The following UMODL1 variants were observed in gnomAD, a reference collection of about 807,000 sequenced individuals.
UMODL1 encodes the protein uromodulin like 1, also known as uromodulin-like 1.
UMODL1 carries 128 observed loss-of-function variants against 136.3 expected under a neutral mutation model. The observed-to-expected ratio is 0.94, with a 90% CI of 0.81 to 1.09. The LOEUF is 1.09. UMODL1 is among the 50% of genes least tolerant of loss of function. The pLI, the probability that UMODL1 is intolerant of heterozygous loss-of-function variation, is 0.00. For missense variants in UMODL1, 1,766 were observed against 1,725.6 expected, an observed-to-expected ratio of 1.02 and a Z score of -0.41; for synonymous variants, 721 against 720.0, an observed-to-expected ratio of 1.00 and a Z score of -0.02.
intron 2 of UMODL1, among the ~76,000 whole-genome samples, chr21:42,080,123 G>A (rs147516515): frequency 0.019 from 2,883 of 152,324 alleles, 25 homozygotes; most frequent in South Asian, 0.039. Flanking sequence ...TTTTGGCAGC[G>A]CGAACTTCTC....
At position 42,065,095 on chromosome 21, in the gene UMODL1, T is replaced by C. The variant is rs1014686587; in HGVS notation, c.-141+1881T>C. On this transcript the variant is annotated intron_variant, in intron 1 of 22. Coordinates refer to the UMODL1 transcript ENST00000400424. ...AGGCAACTCACTGTTGTGATGTCCTTTTATCCCAACCTCAGCCCCGGCAGA... is the reference window on the plus strand; with the variant it reads ...AGGCAACTCACTGTTGTGATGTCCTCTTATCCCAACCTCAGCCCCGGCAGA... 1.1e-4 allele frequency among the ~76,000 whole-genome samples: 16 copies of C among 152,298 alleles called. 1 individual carries two copies. Among genetic ancestry groups the C allele is most frequent in the Admixed American group, 5.2e-4 (8 of 15,306 alleles).
intron 21 of UMODL1, among the ~76,000 whole-genome samples, chr21:42,135,326 C>G (rs906447603): frequency 2.6e-5 from 4 of 152,214 alleles, no homozygotes; most frequent in Non-Finnish European, 4.4e-5. Flanking sequence ...TGGGGAGTAA[C>G]CATTCCTGGA....
At position 42,109,638 on chromosome 21, in the gene UMODL1, C is replaced by A. The variant is rs760356841; in HGVS notation, c.1596C>A (p.Tyr532Ter). 1 of 1,609,890 alleles carries A rather than the reference C, an allele frequency of 6.2e-7. No individual in the cohort carries two copies. Among genetic ancestry groups the A allele is most frequent in the Non-Finnish European group, 8.5e-7 (1 of 1,180,006 alleles). The change falls in exon 10 of 23, where the codon TAC becomes TAA. Residue 532 changes from tyrosine to a stop codon, truncating the protein, a stop_gained. Coordinates refer to ENST00000408910, the MANE Select transcript of UMODL1 (RefSeq NM_001004416.3). LOFTEE classifies it high-confidence loss of function. Reference sequence around the variant, plus strand: ...GGTGCATCAACCTGGAGGGCTCCTACACCTGCCAGTGCCGTACCACCAGGG... The same window carrying A: ...GGTGCATCAACCTGGAGGGCTCCTAAACCTGCCAGTGCCGTACCACCAGGG... The part of the protein sequence containing the change: ...AAWCINLEGS[Y>*]TCQCRTTRDA...
intron 14 of UMODL1, among the ~76,000 whole-genome samples, chr21:42,118,855 AG>A (rs1383126434): frequency 1.4e-5 from 2 of 147,912 alleles, no homozygotes; most frequent in South Asian, 4.5e-4. Flanking sequence ...CTCGCCCCAC[AG>A]GCATCTTTCT....
At chr21:42,107,703 G>A (rs2066742011) in intron 9 of UMODL1, among the ~76,000 whole-genome samples, 1 of 152,102 alleles carries the variant, frequency 6.6e-6, no homozygotes, top group Non-Finnish European at 1.5e-5. Flanking sequence ...CCTGGGCCCT[G>A]AAAGACAGCT....
chr21:42,109,720 C>T (rs558570734), intron 10 of UMODL1, 21 bp downstream of exon 10: 40 of 1,597,734 alleles, frequency 2.5e-5, no homozygotes, highest in Middle Eastern at 1.8e-4. Context: ...ACCCCCCTGC[C>T]GACTCTGGGA....
chr21:42,134,260 A>ACAG, intron 21 of UMODL1, among the ~76,000 whole-genome samples: 1 of 152,254 alleles, frequency 6.6e-6, no homozygotes, highest in Admixed American at 6.5e-5. Context: ...TGACAATTTA[A>ACAG]GAAAGAATCC....
chr21:42,107,623 C>T (rs1050437484), intron 9 of UMODL1, among the ~76,000 whole-genome samples: 6 of 152,210 alleles, frequency 3.9e-5, no homozygotes, highest in Non-Finnish European at 7.3e-5. Context: ...GCTCTGTGCC[C>T]TCTTTCTCCC....
At chr21:42,079,110 T>G (rs1174493113) in intron 2 of UMODL1, among the ~76,000 whole-genome samples, 1 of 152,196 alleles carries the variant, frequency 6.6e-6, no homozygotes, top group Non-Finnish European at 1.5e-5. Flanking sequence ...CTGTTGGCAT[T>G]GTCAGGACTA....
intron 21 of UMODL1, among the ~76,000 whole-genome samples, chr21:42,133,187 C>T (rs2123387036): frequency 6.6e-6 from 1 of 152,332 alleles, no homozygotes; most frequent in Non-Finnish European, 1.5e-5. Context: ...TGTATATTAA[C>T]AGAAACACTG....
chr21:42,134,350 A>G (rs1601284416), intron 21 of UMODL1, among the ~76,000 whole-genome samples: 1 of 151,988 alleles, frequency 6.6e-6, no homozygotes. Flanking sequence ...AGTTTTCGGA[A>G]CTCCTCCATG....
chr21:42,076,027 C>T lies in UMODL1; in HGVS notation c.99C>T (p.Gly33=). Residue 33 remains glycine (G), a synonymous_variant, in exon 2 of 23, where the codon GGC becomes GGT. Transcript: ENST00000408910. ...GFTEKGLSLL[G]YQLCSHRVTH... Reference sequence around the variant, plus strand: ...CAGAAAAAGGCCTCTCCCTGTTGGGCTACCAGCTATGCAGCCACCGTGTGA... The same window carrying T: ...CAGAAAAAGGCCTCTCCCTGTTGGGTTACCAGCTATGCAGCCACCGTGTGA... 6.2e-7 allele frequency: 1 copy of T among 1,614,114 alleles called. No individual in the cohort carries two copies. The highest frequency in any genetic ancestry group is 1.3e-5 in the African/African-American group (1 of 75,050).
chr21:42,108,189 G>A (rs1444499350), intron 9 of UMODL1: 1 of 439,796 alleles, frequency 2.3e-6, no homozygotes, highest in East Asian at 7.1e-5. Context: ...TCAGGTGCTT[G>A]GTGGTTTGAG....
In UMODL1 at chr21:42,126,961, T is replaced by C. The variant is rs531670892; in HGVS notation, c.3294-45T>C. ...GTGGGAATGGGAGGGGCCACGATAATGCGCCTCCTGAAACATGCCTCCTGC... is the reference window on the plus strand; with the variant it reads ...GTGGGAATGGGAGGGGCCACGATAACGCGCCTCCTGAAACATGCCTCCTGC... On this transcript the variant is annotated intron_variant, in intron 18 of 22. Transcript: ENST00000408910. 1.1e-5 allele frequency: 16 copies of C among 1,497,828 alleles called. No individual in the cohort carries two copies. In the African/African-American group the frequency reaches 1.9e-4, roughly 18 times the overall value. 92.8% of individuals were successfully genotyped at this position (1,497,828 alleles called of 1,614,324 possible).
intron 10 of UMODL1, among the ~76,000 whole-genome samples, chr21:42,110,138 G>T (rs1184350404): frequency 6.6e-6 from 1 of 152,218 alleles, no homozygotes; most frequent in Non-Finnish European, 1.5e-5. Context: ...AGGCCCGATG[G>T]GGGCCGCTGA....
intron 2 of UMODL1, among the ~76,000 whole-genome samples, chr21:42,076,867 T>C (rs1257420167): frequency 1.3e-5 from 2 of 152,180 alleles, no homozygotes; most frequent in Non-Finnish European, 2.9e-5. Flanking sequence ...TGGAAGCTGC[T>C]TTCCTGTAGG....
At chr21:42,107,381 C>T (rs1309216661) in intron 9 of UMODL1, among the ~76,000 whole-genome samples, 1 of 152,196 alleles carries the variant, frequency 6.6e-6, no homozygotes, top group East Asian at 1.9e-4. Context: ...GAGCTGAGCT[C>T]CCCAAAGCTT....
At chr21:42,112,387 G>GC in intron 12 of UMODL1, among the ~76,000 whole-genome samples, 1 of 149,950 alleles carries the variant, frequency 6.7e-6, no homozygotes, top group South Asian at 2.1e-4. Flanking sequence ...TGCACCCCCA[G>GC]TTGTTCTGCA....
chr21:42,129,938 C>A (rs2067112005), intron 21 of UMODL1, 141 bp downstream of exon 21: 5 of 620,258 alleles, frequency 8.1e-6, no homozygotes, highest in Non-Finnish European at 1.3e-5. Context: ...CAGAAATACT[C>A]ATAGTTAGTA....
Sources: gnomAD v4.1 joint callset for allele counts (sites outside exome capture counted in the v4.1 genomes callset) on GRCh38, gnomAD v4.1.1 for gene constraint, MANE v1.5 for transcripts, NCBI Gene and HGNC (gene_info 2026-07-23, HGNC 2026-07-21) for gene names.